The following FRMPD4 variants were observed in gnomAD, a reference collection of about 807,000 sequenced individuals.
FRMPD4 encodes FERM and PDZ domain-containing protein 4.
Under a neutral mutation model 94.1 loss-of-function variants are expected in FRMPD4, and 22 were observed. That is an observed-to-expected ratio of 0.23 (90% CI 0.17 to 0.33). The LOEUF is 0.33. Ranked by LOEUF, FRMPD4 falls within the 10% of genes least tolerant of loss-of-function variation. The probability of loss-of-function intolerance (pLI) is 1.00; values close to 1 mark genes in which losing one functional copy is unlikely to be tolerated. For missense variants in FRMPD4, 1,111 were observed against 1,339.9 expected (o/e 0.83, Z 2.67); for synonymous variants, 631 against 548.6 (o/e 1.15, Z -2.10).
In FRMPD4 at chrX:12,044,049, G is replaced by A. The variant is rs138612877; in HGVS notation, c.95+166031G>A. On this transcript the variant is annotated intron_variant, in intron 3 of 18. Coordinates refer to the FRMPD4 transcript ENST00000640291. ...GGCTATTTGAATTAATTTTTTACCA[G>A]TTTTCTGAATGATAAAACCTTGTTT... is the stretch of plus-strand genomic sequence containing the variant. 2.4e-3 allele frequency among the ~76,000 whole-genome samples: 270 copies of A among 111,648 alleles called. 1 individual carries two copies. Among genetic ancestry groups the A allele is most frequent in the African/African-American group, 7.6e-3 (233 of 30,795 alleles).
intron 1 of FRMPD4, among the ~76,000 whole-genome samples, chrX:12,331,587 C>T (rs12013905): frequency 2.9e-4 from 23 of 78,577 alleles, no homozygotes; most frequent in East Asian, 2.9e-3. Flanking sequence ...TTATATGAAA[C>T]GAATCATATA....
chrX:12,130,903 A>T (rs2077194), intron 3 of FRMPD4, among the ~76,000 whole-genome samples: 22,699 of 111,255 alleles, frequency 0.2, 1,625 homozygotes, highest in South Asian at 0.38. Flanking sequence ...TTTGTCGGTT[A>T]TTTGAATGTT....
At chrX:12,331,224 G>GT (rs780886973) in intron 1 of FRMPD4, among the ~76,000 whole-genome samples, 2,798 of 87,224 alleles carry the variant, frequency 0.032, 88 homozygotes, top group African/African-American at 0.097. Context: ...TCGGGATTTC[G>GT]TTTTTTTTTT....
At chrX:12,038,460 A>G (rs1409836348) in intron 3 of FRMPD4, among the ~76,000 whole-genome samples, 1 of 112,256 alleles carries the variant, frequency 8.9e-6, no homozygotes, top group Non-Finnish European at 1.9e-5. Flanking sequence ...TTTTTTGGAA[A>G]TATTTTCTCC....
chrX:12,252,620 A>G (rs763100418), intron 1 of FRMPD4, among the ~76,000 whole-genome samples: 4 of 112,440 alleles, frequency 3.6e-5, no homozygotes, highest in Admixed American at 9.4e-5. Flanking sequence ...AAATATCACA[A>G]TGAAAAATGT....
At chrX:12,472,056 C>T (rs1436858932) in intron 1 of FRMPD4, among the ~76,000 whole-genome samples, 1 of 112,397 alleles carries the variant, frequency 8.9e-6, no homozygotes, top group Non-Finnish European at 1.9e-5. Flanking sequence ...ACAATTTGGG[C>T]ACAAAACAGA....
rs34630273 is a variant in FRMPD4 at position 12,553,169 on chromosome X, TAAGA to T, written c.158+54394_158+54397del. Among the ~76,000 whole-genome samples, 478 of 99,820 alleles carry T rather than the reference TAAGA, an allele frequency of 4.8e-3. 2 individuals carry two copies. Among genetic ancestry groups the T allele is most frequent in the African/African-American group, 0.015 (394 of 27,171 alleles). The allele number at this position is 99,820 out of a possible 115,157, so 86.7% of individuals were successfully genotyped here. A position where few individuals can be genotyped will look rare whatever the true frequency, so the allele number is the denominator to read the frequency against. ...GTGAGACCTTGGAAAGTAAGTAAAG[TAAGA>T]AAGAAAGAAAGAAAGAAAGAGAGAG... On this transcript the variant is annotated intron_variant, in intron 2 of 16. Transcript: ENST00000675598.
intron 2 of FRMPD4, among the ~76,000 whole-genome samples, chrX:12,541,351 A>G (rs2058409127): frequency 9.0e-6 from 1 of 111,703 alleles, no homozygotes; most frequent in Non-Finnish European, 1.9e-5. Flanking sequence ...ACCAAGATTA[A>G]TAAAGAAGAA....
intron 4 of FRMPD4, among the ~76,000 whole-genome samples, chrX:12,650,502 G>A (rs532705157): frequency 8.9e-6 from 1 of 112,337 alleles, no homozygotes; most frequent in East Asian, 2.8e-4. Flanking sequence ...TTGAAGTGTA[G>A]GTGAAGATAA....
chrX:12,387,748 T>A (rs1264800256), intron 1 of FRMPD4, among the ~76,000 whole-genome samples: 3 of 108,503 alleles, frequency 2.8e-5, no homozygotes, highest in Non-Finnish European at 5.7e-5. Flanking sequence ...ATGAGCAGGA[T>A]GGTATATGAT....
chrX:12,354,482 G>T (rs1365221882), intron 1 of FRMPD4, among the ~76,000 whole-genome samples: 1 of 111,928 alleles, frequency 8.9e-6, no homozygotes, highest in Admixed American at 9.5e-5. Flanking sequence ...TAAAGAACTG[G>T]CTACACAAAA....
At chrX:11,925,138 TAA>T (rs201067751) in intron 3 of FRMPD4, among the ~76,000 whole-genome samples, 25,652 of 93,404 alleles carry the variant, frequency 0.27, 3,034 homozygotes, top group East Asian at 0.64. Flanking sequence ...CAACAGAGAT[TAA>T]AAAAAAAAAA....
At chrX:12,305,270 G>T (rs1444556552) in intron 1 of FRMPD4, among the ~76,000 whole-genome samples, 1 of 111,618 alleles carries the variant, frequency 9.0e-6, no homozygotes, top group Admixed American at 9.5e-5. Context: ...GGAGGTAGGC[G>T]AATTGGAAAC....
At chrX:11,957,802 A>C (rs1005429133) in intron 3 of FRMPD4, among the ~76,000 whole-genome samples, 12 of 112,474 alleles carry the variant, frequency 1.1e-4, no homozygotes, top group African/African-American at 3.9e-4. Flanking sequence ...TACACAATGC[A>C]TAGTTTTCCC....
intron 2 of FRMPD4, among the ~76,000 whole-genome samples, chrX:12,605,415 C>T (rs1167702548): frequency 1.8e-5 from 2 of 111,603 alleles, no homozygotes; most frequent in Non-Finnish European, 3.8e-5. Flanking sequence ...ACAATTTCTG[C>T]GGCTTCTGCC....
chrX:12,569,131 T>A (rs1198768173), intron 2 of FRMPD4, among the ~76,000 whole-genome samples: 8 of 111,408 alleles, frequency 7.2e-5, no homozygotes. Context: ...TTTCAGATGC[T>A]GACACCACGC....
chrX:11,838,087 G>A (rs1193947581), intron 1 of FRMPD4, among the ~76,000 whole-genome samples: 1 of 110,661 alleles, frequency 9.0e-6, no homozygotes, highest in African/African-American at 3.3e-5. Flanking sequence ...TTTACATTTG[G>A]CACCTTGTCT....
chrX:12,371,030 C>T (rs1470186793), intron 1 of FRMPD4, among the ~76,000 whole-genome samples: 1 of 112,041 alleles, frequency 8.9e-6, no homozygotes, highest in African/African-American at 3.2e-5. Context: ...ATAGGGAATG[C>T]AGAAATAGAT....
intron 2 of FRMPD4, among the ~76,000 whole-genome samples, chrX:12,609,112 GGAAGA>G (rs2059156917): frequency 8.9e-6 from 1 of 111,981 alleles, no homozygotes; most frequent in African/African-American, 3.2e-5. Flanking sequence ...AAAGTCATAG[GGAAGA>G]GAAAATATAT....
Sources: allele counts gnomAD v4.1 joint callset (sites outside exome capture counted in the v4.1 genomes callset), GRCh38; gene constraint gnomAD v4.1.1; transcripts MANE v1.5; gene names NCBI Gene and HGNC (gene_info 2026-07-23, HGNC 2026-07-21).